Variants in SALL1 observed in about 807,000 individuals in gnomAD.
SALL1 encodes sal-like protein 1.
SALL1 carries 10 observed loss-of-function variants against 73.1 expected under a neutral mutation model. The observed-to-expected ratio is 0.14, with a 90% CI of 0.08 to 0.23. SALL1 has a LOEUF of 0.23. Ranked by LOEUF, SALL1 falls within the 10% of genes least tolerant of loss-of-function variation. The pLI is 1.00. For synonymous variants in SALL1, 688 were observed against 689.8 expected (o/e 1.00, Z 0.04); for missense variants, 1,520 against 1,697.3 (o/e 0.90, Z 1.84).
chr16:51,150,733 G>A (rs1962585537), intron 1 of SALL1: 1 of 395,530 alleles, frequency 2.5e-6, no homozygotes, highest in Non-Finnish European at 3.5e-6. Context: ...CCGGGCGGCG[G>A]AGGCCGGGCC....
intron 1 of SALL1, among the ~76,000 whole-genome samples, chr16:51,145,534 G>C (rs868282174): frequency 1.3e-5 from 2 of 151,986 alleles, no homozygotes; most frequent in African/African-American, 2.4e-5. Flanking sequence ...TTGGGGGGGC[G>C]GGAAGAGTGA....
In SALL1 at chr16:51,136,788, C is replaced by A. The variant is rs1446868668; in HGVS notation, c.*324G>T. 2 of 363,440 alleles carry A rather than the reference C, an allele frequency of 5.5e-6. No individual in the cohort carries two copies. The highest frequency in any genetic ancestry group is 1.3e-4 in the East Asian group (2 of 15,918). 22.5% of individuals were successfully genotyped at this position (363,440 alleles called of 1,614,324 possible). A position where few individuals can be genotyped will look rare whatever the true frequency, so the allele number is the denominator to read the frequency against. On this transcript the variant is annotated 3_prime_UTR_variant, in exon 3 of 3. Coordinates refer to ENST00000251020, the MANE Select transcript of SALL1 (RefSeq NM_002968.3). ...AAAATAAGTTAATGCCAGATTACAA[C>A]TGCCTAGCAGGGCAACTTGCAATTG...
chr16:51,139,412 T>A lies in SALL1; in HGVS notation c.2810A>T (p.Glu937Val). The change falls in exon 2 of 3, where the codon GAG (glutamate) becomes GTG (valine). Residue 937 changes from glutamate to valine, a missense_variant. Glu to Val is a moderately radical substitution (Grantham distance 121). This residue lies in a region of SALL1 where 266 missense variants were observed against 275.1 expected (regional missense o/e 0.97). Transcript: ENST00000251020. ...QALSPSNSTQ[E>V]FHKSPSIEEK... ...CTCAATGCTGGGTGACTTGTGGAAC[T>A]CCTGCGTGCTGTTGGACGGGGACAG... 1 of 1,614,170 alleles carries A rather than the reference T, an allele frequency of 6.2e-7. No homozygotes were observed. Among genetic ancestry groups the A allele is most frequent in the South Asian group, 1.1e-5 (1 of 91,064 alleles).
chr16:51,145,192 A>G (rs1962496851), intron 1 of SALL1, among the ~76,000 whole-genome samples: 1 of 134,636 alleles, frequency 7.4e-6, no homozygotes, highest in African/African-American at 2.7e-5. Context: ...ACACATACAC[A>G]CACATTCTCT....
At chr16:51,138,609 T>C (rs1270470446) in intron 2 of SALL1, 79 bp downstream of exon 2, 7 of 1,528,172 alleles carry the variant, frequency 4.6e-6, no homozygotes, top group Non-Finnish European at 6.2e-6. Context: ...CTGATGACTC[T>C]GGGGGCATGC....
Position 51,141,871 on chromosome 16 carries a change from G to A in SALL1, c.351C>T (p.Asn117=), listed in dbSNP as rs145806303. 1.2e-4 allele frequency: 188 copies of A among 1,613,622 alleles called. No homozygotes were observed. Among genetic ancestry groups the A allele is most frequent in the Non-Finnish European group, 1.5e-4 (177 of 1,180,006 alleles). The stretch of plus-strand genomic sequence containing the variant: ...CCATGGACTCTTCCCTGTCAAGTCC[G>A]TTGTGTTCTGAAAGGTCGCTGCAGT... ...QVDCSDLSEH[N]GLDREESMEV... Residue 117 remains asparagine, a synonymous_variant, in exon 2 of 3, where the codon AAC becomes AAT. Coordinates refer to ENST00000251020, the MANE Select transcript of SALL1 (RefSeq NM_002968.3). This position sits in a 1 kb window ranked among gnomAD's most constrained non-coding sequence, Gnocchi z 5.4.
Position 51,141,423 on chromosome 16 carries a change from A to T in SALL1, c.799T>A (p.Ser267Thr). Residue 267 changes from serine to threonine, a missense_variant, in exon 2 of 3, where the codon TCT becomes ACT. Ser to Thr is a moderately conservative substitution (Grantham distance 58). Around this residue, in one of 7 missense-constraint regions of SALL1, gnomAD observed 540 missense variants for 567.5 expected, o/e 0.95. Coordinates refer to ENST00000251020, the MANE Select transcript of SALL1 (RefSeq NM_002968.3). This position sits in a 1 kb window ranked among gnomAD's most constrained non-coding sequence, Gnocchi z 5.4. Reference sequence around the variant, plus strand: ...AAAGTACCTTGAGAAGGACTAGAAGATGTTGGCAAGTCTGCATTCTGAGAA... The same window carrying T: ...AAAGTACCTTGAGAAGGACTAGAAGTTGTTGGCAAGTCTGCATTCTGAGAA... ...LASQNADLPT[S>T]SSPSQGTLRT... The T allele has an allele frequency of 3.7e-6, 6 of 1,614,192 alleles. No homozygotes were observed. The highest frequency in any genetic ancestry group is 5.1e-6 in the Non-Finnish European group (6 of 1,180,034).
intron 1 of SALL1, chr16:51,149,246 T>C (rs1962560693): frequency 6.6e-6 from 1 of 152,264 alleles, no homozygotes; most frequent in Non-Finnish European, 1.5e-5. Context: ...TCATTTCTCC[T>C]CGAAGGCCGA....
rs1487155254 is a variant in SALL1 at position 51,139,737 on chromosome 16, T to A, written c.2485A>T (p.Met829Leu). 2.0e-5 allele frequency: 33 copies of A among 1,614,224 alleles called. No individual in the cohort carries two copies. Among genetic ancestry groups the A allele is most frequent in the Non-Finnish European group, 2.6e-5 (31 of 1,180,034 alleles). Reference protein sequence around the residue: ...DDLDNFSDENMEDCPEGSIPD... With the variant: ...DDLDNFSDENLEDCPEGSIPD... Reference sequence around the variant, plus strand: ...ATGCTGCCCTCAGGACAGTCTTCCATGTTTTCATCAGAGAAGTTGTCTAGG... The same window carrying A: ...ATGCTGCCCTCAGGACAGTCTTCCAAGTTTTCATCAGAGAAGTTGTCTAGG... The change falls in exon 2 of 3, where the codon ATG becomes TTG. Residue 829 changes from methionine to leucine, a missense_variant. Around this residue, in one of 7 missense-constraint regions of SALL1, gnomAD observed 266 missense variants for 275.1 expected, o/e 0.97. Transcript: ENST00000251020.
At chr16:51,144,295 A>G (rs1445105674) in intron 1 of SALL1, among the ~76,000 whole-genome samples, 3 of 152,214 alleles carry the variant, frequency 2.0e-5, no homozygotes, top group Non-Finnish European at 4.4e-5. Flanking sequence ...ACAGCCAATT[A>G]TGAAGGAACA....
At chr16:51,148,754 G>A (rs2143471758) in intron 1 of SALL1, among the ~76,000 whole-genome samples, 1 of 152,322 alleles carries the variant, frequency 6.6e-6, no homozygotes. Flanking sequence ...AGGATTACTT[G>A]TGTACTAATA....
At position 51,141,723 on chromosome 16, in the gene SALL1, T is replaced by C. The variant is rs569940038; in HGVS notation, c.499A>G (p.Thr167Ala). The change falls in exon 2 of 3, where the codon ACA (threonine) becomes GCA (alanine). Residue 167 changes from threonine to alanine, a missense_variant. Physicochemically the swap from Thr to Ala is moderately conservative, Grantham distance 58. This residue lies in a region of SALL1 where 540 missense variants were observed against 567.5 expected (regional missense o/e 0.95). Transcript: ENST00000251020. This position sits in a 1 kb window ranked among gnomAD's most constrained non-coding sequence, Gnocchi z 5.4. ...SSSGGGGSSSTGTSAITTSLP... is the reference protein window; with the variant it reads ...SSSGGGGSSSAGTSAITTSLP... Reference sequence around the variant, plus strand: ...GAGGTTGTGATCGCTGAGGTACCTGTGGAGGAGCTGCCGCCGCCGCCGCTG... The same window carrying C: ...GAGGTTGTGATCGCTGAGGTACCTGCGGAGGAGCTGCCGCCGCCGCCGCTG... 7.1e-5 allele frequency: 114 copies of C among 1,613,284 alleles called. 2 individuals are homozygous for C. The South Asian group carries it at 1.2e-3, about 16-fold the overall frequency.
rs1248512810 is a variant in SALL1, at chr16:51,149,278, G to A, written c.76+1888C>T. The A allele has an allele frequency of 5.9e-5, 9 of 151,784 alleles. No individual in the cohort carries two copies. The East Asian group carries it at 1.7e-3, about 29-fold the overall frequency. The allele number at this position is 151,784 out of a possible 1,614,324, so 9.4% of individuals were successfully genotyped here. A position where few individuals can be genotyped will look rare whatever the true frequency, so the allele number is the denominator to read the frequency against. ...CCGAGACTTTTTTTTTTTAAATGTA[G>A]AAAACCAGTACAAATTTACAAAACA... On this transcript the variant is annotated intron_variant, in intron 1 of 2. Coordinates refer to ENST00000251020, the MANE Select transcript of SALL1 (RefSeq NM_002968.3).
rs1447685620 is a variant in SALL1 at position 51,140,640 on chromosome 16, A to G, written c.1582T>C (p.Tyr528His). 6.2e-7 allele frequency: 1 copy of G among 1,614,018 alleles called. No individual in the cohort carries two copies. The highest frequency in any genetic ancestry group is 8.5e-7 in the Non-Finnish European group (1 of 1,180,026). The change falls in exon 2 of 3, where the codon TAT becomes CAT. Residue 528 changes from tyrosine (Y) to histidine (H), a missense_variant. Coordinates refer to ENST00000251020, the MANE Select transcript of SALL1 (RefSeq NM_002968.3). This position sits in a 1 kb window ranked among gnomAD's most constrained non-coding sequence, Gnocchi z 5.7. ...DNIPTSTGIPYGMSIPPEKPV... is the reference protein window; with the variant it reads ...DNIPTSTGIPHGMSIPPEKPV... ...TTCTCTGGAGGGATGGACATGCCAT[A>G]TGGGATGCCAGTACTCGTGGGGATA...
In SALL1 at chr16:51,136,046, TGTTA is replaced by T. The variant is rs758179212; in HGVS notation, c.*1062_*1065del. The T allele has an allele frequency of 8.5e-5, 13 of 152,788 alleles. No individual in the cohort carries two copies. Among genetic ancestry groups the T allele is most frequent in the Middle Eastern group, 3.4e-3 (1 of 294 alleles). The allele number at this position is 152,788 out of a possible 1,614,324, so 9.5% of individuals were successfully genotyped here. On this transcript the variant is annotated 3_prime_UTR_variant, in exon 3 of 3. Transcript: ENST00000251020. ...TTGAGTAAAATTACAGTATCTCTGT[TGTTA>T]GTAAGTATTAAATGTTAAAGAAATT...
At position 51,150,566 on chromosome 16, in the gene SALL1, C is replaced by T. The variant is rs556892008; in HGVS notation, c.76+600G>A. ...CAGGCGCTGGCGCCCCGACACCAGTCCCCATCTTCTTGCAGCTCTGAACCT... is the reference window on the plus strand; with the variant it reads ...CAGGCGCTGGCGCCCCGACACCAGTTCCCATCTTCTTGCAGCTCTGAACCT... On this transcript the variant is annotated intron_variant, in intron 1 of 2. Transcript: ENST00000251020. 49 of 986,068 alleles carry T rather than the reference C, an allele frequency of 5.0e-5. No homozygotes were observed. In the African/African-American group the frequency reaches 7.7e-4, roughly 15 times the overall value. 61.1% of individuals were successfully genotyped at this position (986,068 alleles called of 1,614,324 possible).
chr16:51,151,564 G>A (rs1262857520), upstream of SALL1, among the ~76,000 whole-genome samples: 2 of 151,702 alleles, frequency 1.3e-5, no homozygotes, highest in Non-Finnish European at 2.9e-5. Context: ...GGCCCAATAA[G>A]CCGGCCGCGG....
At chr16:51,152,114 C>G (rs62039688), upstream of SALL1, 70,812 of 151,660 alleles carry the variant, frequency 0.47, 19,305 homozygotes, top group South Asian at 0.73. Flanking sequence ...CTCCTCCGCC[C>G]CGAGTTCTCC....
rs183142673 is a variant in SALL1 at position 51,140,764 on chromosome 16, G to C, written c.1458C>G (p.Phe486Leu). The C allele has an allele frequency of 6.2e-7, 1 of 1,614,062 alleles. No individual in the cohort carries two copies. Among genetic ancestry groups the C allele is most frequent in the Non-Finnish European group, 8.5e-7 (1 of 1,180,044 alleles). ...GGACTTTCAGATTCCCCTTGGTGGA[G>C]AACCTGTTCCCGCAGATGTTGCACT... ...PFKCNICGNR[F>L]STKGNLKVHF... Residue 486 changes from phenylalanine (F) to leucine (L), a missense_variant, in exon 2 of 3, where the codon TTC (phenylalanine) becomes TTG (leucine). Transcript: ENST00000251020. The surrounding 1 kb of genome is among the most constrained non-coding windows in gnomAD (Gnocchi z 5.7).
Sources: allele counts gnomAD v4.1 joint callset (sites outside exome capture counted in the v4.1 genomes callset), GRCh38; gene constraint gnomAD v4.1.1; regional missense constraint gnomAD v4.1.1; non-coding constraint Gnocchi (gnomAD v3.1); transcripts MANE v1.5; gene names NCBI Gene and HGNC (gene_info 2026-07-23, HGNC 2026-07-21).